DGKI: variants seen among roughly 807,000 people sequenced by gnomAD.
The protein encoded by DGKI is DAG kinase iota.
A neutral mutation model predicts 147.5 loss-of-function variants in DGKI; 55 were observed. That is an observed-to-expected ratio of 0.37 (90% CI 0.30 to 0.47). The LOEUF (loss-of-function observed/expected upper bound fraction) is 0.47, where lower values mean the gene tolerates loss of function less well. DGKI is among the 20% of genes least tolerant of loss of function. The pLI is 1.00. For missense variants in DGKI, 1,007 were observed against 1,323.8 expected (o/e 0.76, Z 3.71); for synonymous variants, 469 against 477.1 (o/e 0.98, Z 0.22).
intron 32 of DGKI, among the ~76,000 whole-genome samples, chr7:137,392,736 G>A (rs1811410809): frequency 6.6e-6 from 1 of 152,172 alleles, no homozygotes. Context: ...ATAATAATGA[G>A]GTTGGAATTT....
In DGKI at chr7:137,559,238, AT is replaced by A. The variant is rs574234409; in HGVS notation, c.1948-6671del. ...AGGCGCCCGCCACTACGCCCGGCTAATTTTTTGTATTTTTAGTAGAGACGGG... is the reference window on the plus strand; with the variant it reads ...AGGCGCCCGCCACTACGCCCGGCTAATTTTTGTATTTTTAGTAGAGACGGG... On this transcript the variant is annotated intron_variant, in intron 19 of 32. Transcript: ENST00000614521. Among the ~76,000 whole-genome samples the A allele has an allele frequency of 4.5e-3, 675 of 150,178 alleles. 7 individuals carry two copies. Among genetic ancestry groups the A allele is most frequent in the African/African-American group, 0.016 (642 of 40,764 alleles).
chr7:137,457,027 A>T (rs2128923012), intron 27 of DGKI, among the ~76,000 whole-genome samples: 1 of 152,324 alleles, frequency 6.6e-6, no homozygotes, highest in South Asian at 2.1e-4. Flanking sequence ...CTTGCCAAAT[A>T]GAGTAATTCA....
chr7:137,392,815 T>C (rs1811414571), intron 32 of DGKI, among the ~76,000 whole-genome samples: 1 of 151,062 alleles, frequency 6.6e-6, no homozygotes, highest in Non-Finnish European at 1.5e-5. Context: ...AACTGAACTC[T>C]AATAGGAGAA....
chr7:137,846,537 G>A lies in DGKI; in HGVS notation c.326C>T (p.Ala109Val). The change falls in exon 1 of 33, where the codon GCC becomes GTC. Residue 109 changes from alanine (A) to valine (V), a missense_variant. Transcript: ENST00000614521. The surrounding 1 kb of genome is among the most constrained non-coding windows in gnomAD (Gnocchi z 4.0). ...CGCTTCGTCCTTCTCCTTCTGGCCG[G>A]CGGCCGCGGGCTCGTCCAGGGCAGC... Reference protein sequence around the residue: ...GAAALDEPAAAGQKEKDEALE... With the variant: ...GAAALDEPAAVGQKEKDEALE... 6.4e-7 allele frequency: 1 copy of A among 1,553,690 alleles called. No homozygotes were observed.
intron 1 of DGKI, among the ~76,000 whole-genome samples, chr7:137,739,309 A>G (rs1795112871): frequency 1.3e-5 from 2 of 152,142 alleles, no homozygotes; most frequent in South Asian, 2.1e-4. Flanking sequence ...CCAGTGTCAT[A>G]GGACTATTTG....
chr7:137,619,196 C>T lies in DGKI; in HGVS notation c.993+628G>A, dbSNP rs779609743. On this transcript the variant is annotated intron_variant, in intron 8 of 32. Coordinates refer to ENST00000614521, the MANE Select transcript of DGKI (RefSeq NM_001321708.2). ...CAGAAACATTTTATTTCAAAGATTA[C>T]GACCTTGTCAAGAAACCACTAAGGT... is the stretch of plus-strand genomic sequence containing the variant. Among the ~76,000 whole-genome samples the T allele has an allele frequency of 1.2e-4, 18 of 152,194 alleles. 1 individual carries two copies. The highest frequency in any genetic ancestry group is 4.1e-4 in the South Asian group (2 of 4,830).
chr7:137,649,742 C>T (rs7811524), intron 5 of DGKI, among the ~76,000 whole-genome samples: 2,923 of 148,410 alleles, frequency 0.02, 85 homozygotes, highest in African/African-American at 0.064. Context: ...TCCTCAAAAA[C>T]CTATAGAAAT....
chr7:137,772,173 C>T (rs184995125), intron 1 of DGKI: 186 of 152,192 alleles, frequency 1.2e-3, no homozygotes, highest in African/African-American at 4.2e-3. Context: ...TCCACTAAAT[C>T]CAAAATCATG....
chr7:137,462,970 G>T (rs1814507461), intron 27 of DGKI, among the ~76,000 whole-genome samples: 1 of 151,640 alleles, frequency 6.6e-6, no homozygotes, highest in African/African-American at 2.4e-5. Context: ...ATGCTGTACT[G>T]CTTACCCACA....
intron 3 of DGKI, among the ~76,000 whole-genome samples, chr7:137,675,127 A>C (rs1209783493): frequency 6.6e-6 from 1 of 152,200 alleles, no homozygotes; most frequent in East Asian, 1.9e-4. Context: ...AGAAAACTGC[A>C]AACAGAGCAT....
At chr7:137,799,150 T>A (rs1160453009) in intron 1 of DGKI, among the ~76,000 whole-genome samples, 1 of 152,190 alleles carries the variant, frequency 6.6e-6, no homozygotes, top group Admixed American at 6.5e-5. Flanking sequence ...ACTGGTATAT[T>A]CATACAATTG....
At chr7:137,579,518 T>TA (rs901017395) in intron 15 of DGKI, among the ~76,000 whole-genome samples, 1 of 152,014 alleles carries the variant, frequency 6.6e-6, no homozygotes. Flanking sequence ...ATTTACTATT[T>TA]AAAAAAAGCA....
At chr7:137,572,658 G>A in intron 18 of DGKI, 107 bp downstream of exon 18, 1 of 720,214 alleles carries the variant, frequency 1.4e-6, no homozygotes, top group Non-Finnish European at 2.3e-6. Context: ...TACCCATTTA[G>A]ATAACTGATC....
At chr7:137,588,547 G>A (rs565530480) in intron 12 of DGKI, among the ~76,000 whole-genome samples, 2 of 143,632 alleles carry the variant, frequency 1.4e-5, no homozygotes, top group South Asian at 2.3e-4. Flanking sequence ...CAAGATCTCC[G>A]CTCACTGCAA....
intron 8 of DGKI, 50 bp downstream of exon 8, chr7:137,619,774 G>T: frequency 7.1e-7 from 1 of 1,413,102 alleles, no homozygotes; most frequent in Non-Finnish European, 1.0e-6. Context: ...CGAAGCAGCA[G>T]TTCATTTTTC....
intron 1 of DGKI, among the ~76,000 whole-genome samples, chr7:137,833,758 G>C (rs1375545856): frequency 6.6e-6 from 1 of 152,160 alleles, no homozygotes; most frequent in East Asian, 1.9e-4. Context: ...ATGCTATCAG[G>C]GTGGTGAGAG....
chr7:137,722,379 A>T, intron 1 of DGKI: 1 of 1,612,200 alleles, frequency 6.2e-7, no homozygotes, highest in Non-Finnish European at 8.5e-7. Flanking sequence ...ACAGCAAAAA[A>T]CCCTTCAGTC....
intron 17 of DGKI, among the ~76,000 whole-genome samples, chr7:137,574,259 G>A (rs540840175): frequency 6.6e-6 from 1 of 152,176 alleles, no homozygotes; most frequent in East Asian, 1.9e-4. Context: ...ATATAACTTA[G>A]TAATAAAATT....
chr7:137,553,172 T>C (rs372792731), intron 19 of DGKI, among the ~76,000 whole-genome samples: 2 of 152,254 alleles, frequency 1.3e-5, no homozygotes, highest in Admixed American at 6.5e-5. Context: ...GCTTTTTCTT[T>C]GTGTTATCTA....
Sources: gnomAD v4.1 joint callset for allele counts (sites outside exome capture counted in the v4.1 genomes callset) on GRCh38, gnomAD v4.1.1 for gene constraint, Gnocchi (gnomAD v3.1) non-coding constraint, MANE v1.5 for transcripts, NCBI Gene and HGNC (gene_info 2026-07-23, HGNC 2026-07-21) for gene names.